Variants in TASOR observed in about 807,000 individuals in gnomAD.
The protein encoded by TASOR is protein TASOR.
TASOR carries 53 observed loss-of-function variants against 178.6 expected under a neutral mutation model. That is an observed-to-expected ratio of 0.30 (90% CI 0.24 to 0.37). TASOR has a LOEUF of 0.37. TASOR is among the 10% of genes least tolerant of loss of function. The pLI, the probability that TASOR is intolerant of heterozygous loss-of-function variation, is 1.00. For missense variants in TASOR, 1,815 were observed against 1,971.4 expected (o/e 0.92, Z 1.50); for synonymous variants, 713 against 696.2 (o/e 1.02, Z -0.38).
chr3:56,621,845 T>G lies in TASOR; in HGVS notation c.*1192A>C. ...AAAAAAAAAAAAAAAAAACCGGTTC[T>G]TCTGCTCTGTCACCACCTGGGTATT... On this transcript the variant is annotated 3_prime_UTR_variant, in exon 24 of 24. Coordinates refer to ENST00000683822, the MANE Select transcript of TASOR (RefSeq NM_001365635.2). 3 of 241,574 alleles carry G rather than the reference T, an allele frequency of 1.2e-5. No individual in the cohort carries two copies. The highest frequency in any genetic ancestry group is 2.3e-5 in the African/African-American group (1 of 44,094). 15.0% of individuals were successfully genotyped at this position (241,574 alleles called of 1,614,324 possible).
At position 56,640,029 on chromosome 3, in the gene TASOR, A is replaced by C. The variant is rs1423408892; in HGVS notation, c.2721T>G (p.Asn907Lys). The C allele has an allele frequency of 6.2e-7, 1 of 1,613,010 alleles. No individual in the cohort carries two copies. Among genetic ancestry groups the C allele is most frequent in the South Asian group, 1.1e-5 (1 of 90,750 alleles). The stretch of plus-strand genomic sequence containing the variant: ...TCCAATGTATTTCAGTCTCTTCAAC[A>C]TTATTTGACTTAGACTGTTGTCTAC... ...GFRRQQSKSN[N>K]VEETEIHWKL... Residue 907 changes from asparagine to lysine, a missense_variant, in exon 16 of 24, where the codon AAT becomes AAG. Asn to Lys is a moderately conservative substitution (Grantham distance 94, BLOSUM62 0). This residue lies in a region of TASOR where 655 missense variants were observed against 671.1 expected (regional missense o/e 0.98). Coordinates refer to ENST00000683822, the MANE Select transcript of TASOR (RefSeq NM_001365635.2).
chr3:56,643,461 T>A (rs1255119736), intron 14 of TASOR, among the ~76,000 whole-genome samples: 2 of 150,866 alleles, frequency 1.3e-5, no homozygotes, highest in Admixed American at 1.3e-4. Flanking sequence ...AAGATCAGGG[T>A]GTTTTAAAAG....
In TASOR at chr3:56,672,421, C is replaced by A. The variant is rs1026203749; in HGVS notation, c.478-729G>T. 7.2e-5 allele frequency among the ~76,000 whole-genome samples: 11 copies of A among 152,198 alleles called. No individual in the cohort carries two copies. The South Asian group carries it at 1.9e-3, about 26-fold the overall frequency. ...CTGGGATTCAGTGCCCTTTAGGGAACCTTTCAAAATTAAATCCTGGTACCA... is the reference window on the plus strand; with the variant it reads ...CTGGGATTCAGTGCCCTTTAGGGAAACTTTCAAAATTAAATCCTGGTACCA... On this transcript the variant is annotated intron_variant, in intron 2 of 23. Transcript: ENST00000683822.
intron 11 of TASOR, among the ~76,000 whole-genome samples, chr3:56,656,318 C>T (rs778525666): frequency 7.9e-5 from 12 of 152,150 alleles, no homozygotes; most frequent in Non-Finnish European, 1.5e-4. Flanking sequence ...CCAGGCATGG[C>T]GGTTCACACC....
At chr3:56,645,245 G>A (rs1450128363) in intron 14 of TASOR, among the ~76,000 whole-genome samples, 1 of 152,178 alleles carries the variant, frequency 6.6e-6, no homozygotes, top group Non-Finnish European at 1.5e-5. Flanking sequence ...CTGCACTACA[G>A]CCTGGGTGAC....
At chr3:56,663,672 C>T in intron 7 of TASOR, 100 bp from the exon 8 acceptor site, 1 of 1,132,406 alleles carries the variant, frequency 8.8e-7, no homozygotes, top group Non-Finnish European at 1.1e-6. Flanking sequence ...TGGCATACTA[C>T]AGTTAAGTCC....
intron 2 of TASOR, 120 bp downstream of exon 2, chr3:56,673,460 T>G (rs1329430664): frequency 2.0e-6 from 1 of 506,956 alleles, no homozygotes. Flanking sequence ...AAAAAAAAAC[T>G]TGTTTTCCCT....
chr3:56,641,083 A>G (rs1263186356), intron 15 of TASOR, among the ~76,000 whole-genome samples: 1 of 141,858 alleles, frequency 7.0e-6, no homozygotes, highest in Non-Finnish European at 1.5e-5. Context: ...TCTGACAAAT[A>G]TTAATAGATT....
intron 11 of TASOR, among the ~76,000 whole-genome samples, chr3:56,657,272 G>A (rs1401604800): frequency 6.7e-6 from 1 of 150,142 alleles, no homozygotes; most frequent in African/African-American, 2.5e-5. Context: ...AGATTGCAGT[G>A]AGCCGAGATC....
At position 56,633,657 on chromosome 3, in the gene TASOR, C is replaced by T. The variant is rs146355823; in HGVS notation, c.3134G>A (p.Ser1045Asn). The T allele has an allele frequency of 1.5e-5, 24 of 1,613,962 alleles. No homozygotes were observed. In the African/African-American group the frequency reaches 2.3e-4, roughly 15 times the overall value. ...TGAAAAGATAGGTGTGGAAACTGTA[C>T]TGACATATGAAACATTCTTTTGCTT... The part of the protein sequence containing the change: ...ILKQKNVSYV[S>N]TVSTPIFSTQ... The change falls in exon 18 of 24, where the codon AGT becomes AAT. Residue 1045 changes from serine to asparagine, a missense_variant. Coordinates refer to ENST00000683822, the MANE Select transcript of TASOR (RefSeq NM_001365635.2).
chr3:56,630,610 A>G, intron 18 of TASOR, among the ~76,000 whole-genome samples: 1 of 152,142 alleles, frequency 6.6e-6, no homozygotes, highest in East Asian at 1.9e-4. Flanking sequence ...TTGGGAGGCC[A>G]AGGCGGGCAC....
rs777507080 is a variant in TASOR at position 56,661,049 on chromosome 3, T to C, written c.1161-32A>G. ...GAAAATTTTAAAAACATGTTTGCCT[T>C]ATCTGTATTTTCAACTCTAGCAATC... is the stretch of plus-strand genomic sequence containing the variant. On this transcript the variant is annotated intron_variant, in intron 9 of 23. Transcript: ENST00000683822. 7 of 1,448,740 alleles carry C rather than the reference T, an allele frequency of 4.8e-6. No homozygotes were observed. The Middle Eastern group carries it at 6.9e-4, about 142-fold the overall frequency. The allele number at this position is 1,448,740 out of a possible 1,614,324, so 89.7% of individuals were successfully genotyped here. A position where few individuals can be genotyped will look rare whatever the true frequency, so the allele number is the denominator to read the frequency against.
intron 7 of TASOR, chr3:56,663,853 G>A (rs944183588): frequency 2.0e-6 from 2 of 993,176 alleles, no homozygotes; most frequent in South Asian, 9.1e-5. Context: ...GTCCACCAAA[G>A]TCTCTTGTCA....
At chr3:56,652,175 G>A (rs1391494372) in intron 11 of TASOR, among the ~76,000 whole-genome samples, 8 of 152,182 alleles carry the variant, frequency 5.3e-5, no homozygotes, top group African/African-American at 1.9e-4. Context: ...GATTAGGAAG[G>A]GGGAATGTAC....
intron 17 of TASOR, among the ~76,000 whole-genome samples, chr3:56,637,170 C>T (rs1454797235): frequency 1.3e-5 from 2 of 152,168 alleles, no homozygotes; most frequent in African/African-American, 4.8e-5. Flanking sequence ...AGAGTACTAA[C>T]TAGGAGAATG....
At chr3:56,667,197 C>T (rs1010514233) in intron 6 of TASOR, among the ~76,000 whole-genome samples, 1 of 152,088 alleles carries the variant, frequency 6.6e-6, no homozygotes, top group Admixed American at 6.5e-5. Flanking sequence ...TCCCAAATGA[C>T]TTTGGTGAAT....
Position 56,624,907 on chromosome 3 carries a change from A to C in TASOR, c.4239T>G (p.Thr1413=). 1 of 1,614,194 alleles carries C rather than the reference A, an allele frequency of 6.2e-7. No homozygotes were observed. Residue 1413 remains threonine, a synonymous_variant, in exon 22 of 24, where the codon ACT becomes ACG. Coordinates refer to ENST00000683822, the MANE Select transcript of TASOR (RefSeq NM_001365635.2). ...GGCAATCCAATTCTGGAGCATTTCG[A>C]GTTTGTGAATCACAATTGTGGTATG... The part of the protein sequence containing the change: ...ILSYHNCDSQ[T]RNAPELDCLI...
In TASOR at chr3:56,623,465, A is replaced by T; in HGVS notation, c.4585T>A (p.Trp1529Arg). 6.2e-7 allele frequency: 1 copy of T among 1,613,414 alleles called. No homozygotes were observed. Among genetic ancestry groups the T allele is most frequent in the Non-Finnish European group, 8.5e-7 (1 of 1,179,942 alleles). ...EVCSNFHSEI[W>R]EKETKGSRGT... Reference sequence around the variant, plus strand: ...CGTGATCCTTTGGTCTCTTTCTCCCATATTTCTGAATGAAAATTGCTGCAT... The same window carrying T: ...CGTGATCCTTTGGTCTCTTTCTCCCTTATTTCTGAATGAAAATTGCTGCAT... Residue 1529 changes from tryptophan (W) to arginine (R), a missense_variant, in exon 24 of 24, where the codon TGG becomes AGG. Transcript: ENST00000683822.
At chr3:56,664,676 T>C (rs2077669505) in intron 7 of TASOR, among the ~76,000 whole-genome samples, 2 of 152,220 alleles carry the variant, frequency 1.3e-5, no homozygotes, top group South Asian at 2.1e-4. Flanking sequence ...ACTTCAAATA[T>C]GTATACACAC....
Sources: allele counts gnomAD v4.1 joint callset (sites outside exome capture counted in the v4.1 genomes callset), GRCh38; gene constraint gnomAD v4.1.1; regional missense constraint gnomAD v4.1.1; transcripts MANE v1.5; gene names NCBI Gene and HGNC (gene_info 2026-07-23, HGNC 2026-07-21).